RFESD: variants seen among roughly 807,000 people sequenced by gnomAD.
RFESD encodes Rieske Fe-S domain containing.
RFESD carries 16 observed loss-of-function variants against 24.4 expected under a neutral mutation model. That is an observed-to-expected ratio of 0.66 (90% confidence interval 0.44 to 1.00). RFESD has a LOEUF of 1.00. Among genes scored for constraint, RFESD ranks in the 50% least tolerant of loss-of-function variants. RFESD has a pLI of 0.00. For missense variants in RFESD, 208 were observed against 247.0 expected (o/e 0.84, Z 1.06); for synonymous variants, 59 against 81.8 (o/e 0.72, Z 1.50).
chr5:95,647,720 G>A (rs1750162555), intron 1 of RFESD: 1 of 151,356 alleles, frequency 6.6e-6, no homozygotes, highest in Non-Finnish European at 1.5e-5. Context: ...ATACATATTT[G>A]CTTTGCTAAA....
At position 95,652,185 on chromosome 5, in the gene RFESD, C is replaced by T; in HGVS notation, c.-87C>T. On this transcript the variant is annotated 5_prime_UTR_variant, in exon 2 of 6. Transcript: ENST00000380005. ...GGAGAATATAAGACAGAGAAGAAAG[C>T]TGTGAATGAATTTCATTTGATTAGC... 6.8e-7 allele frequency: 1 copy of T among 1,461,032 alleles called. No individual in the cohort carries two copies. The highest frequency in any genetic ancestry group is 9.2e-7 in the Non-Finnish European group (1 of 1,091,082). The allele number at this position is 1,461,032 out of a possible 1,614,324, so 90.5% of individuals were successfully genotyped here. A position where few individuals can be genotyped will look rare whatever the true frequency, so the allele number is the denominator to read the frequency against.
rs1750841430 is a variant in RFESD, at chr5:95,657,642, A to T, written c.*1333A>T. 1 of 151,908 alleles carries T rather than the reference A, an allele frequency of 6.6e-6. No individual in the cohort carries two copies. The highest frequency in any genetic ancestry group is 6.6e-5 in the Admixed American group (1 of 15,228). The allele number at this position is 151,908 out of a possible 1,614,324, so 9.4% of individuals were successfully genotyped here. A position where few individuals can be genotyped will look rare whatever the true frequency, so the allele number is the denominator to read the frequency against. On this transcript the variant is annotated 3_prime_UTR_variant, in exon 6 of 6. Transcript: ENST00000380005. ...AATGAGTAAGGTCCGTATAGTAAAG[A>T]CTCTGCTTACTTACCTTTACTACAT...
At chr5:95,647,819 C>G (rs907936934) in intron 1 of RFESD, 1 of 152,012 alleles carries the variant, frequency 6.6e-6, no homozygotes, top group African/African-American at 2.4e-5. Flanking sequence ...AATGCCTACC[C>G]GTTGGCGGTT....
At chr5:95,651,568 A>G (rs752092205) in intron 1 of RFESD, among the ~76,000 whole-genome samples, 16 of 152,060 alleles carry the variant, frequency 1.1e-4, no homozygotes, top group Non-Finnish European at 2.1e-4. Flanking sequence ...GTAATTTTTT[A>G]AAAACATTTT....
intron 2 of RFESD, chr5:95,652,883 A>G (rs934804098): frequency 2.8e-5 from 14 of 504,294 alleles, no homozygotes; most frequent in Admixed American, 2.0e-4. Context: ...TTGTTTTGCT[A>G]TAATCCATTC....
intron 1 of RFESD, among the ~76,000 whole-genome samples, chr5:95,649,232 T>A (rs938313168): frequency 6.6e-6 from 1 of 152,210 alleles, no homozygotes; most frequent in South Asian, 2.1e-4. Flanking sequence ...TATCCATGAA[T>A]AATATACTGT....
rs902454804 is a variant in RFESD at position 95,653,208 on chromosome 5, A to G, written c.152A>G (p.Tyr51Cys). Reference protein sequence around the residue: ...SSAVISVTSFYLSMNLDGSAQ... With the variant: ...SSAVISVTSFCLSMNLDGSAQ... ...GCTGTCATCTCAGTGACCAGTTTTT[A>G]TCTGAGGTAAGAAAATGAAAGGTTT... Residue 51 changes from tyrosine to cysteine, a missense_variant, in exon 3 of 6, where the codon TAT (tyrosine) becomes TGT (cysteine). Tyr to Cys is a radical substitution (Grantham distance 194). Coordinates refer to ENST00000380005, the MANE Select transcript of RFESD (RefSeq NM_001131066.2). The G allele has an allele frequency of 6.4e-7, 1 of 1,551,600 alleles. No homozygotes were observed. Among genetic ancestry groups the G allele is most frequent in the South Asian group, 1.2e-5 (1 of 84,058 alleles).
chr5:95,654,985 A>G (rs1196898443), intron 5 of RFESD, among the ~76,000 whole-genome samples: 1 of 152,168 alleles, frequency 6.6e-6, no homozygotes, highest in African/African-American at 2.4e-5. Context: ...GAACGGGGGA[A>G]GTTGTCTTTG....
In RFESD at chr5:95,654,336, C is replaced by T; in HGVS notation, c.338C>T (p.Ser113Leu). The T allele has an allele frequency of 6.2e-7, 1 of 1,609,026 alleles. No homozygotes were observed. The highest frequency in any genetic ancestry group is 8.5e-7 in the Non-Finnish European group (1 of 1,176,906). ...YHAMDIRCYH[S>L]GGPLHLGDIE... ...GTAATATTCAATTCCTTTTCAGACTCAGGAGGACCTTTACATTTGGGAGAT... is the reference window on the plus strand; with the variant it reads ...GTAATATTCAATTCCTTTTCAGACTTAGGAGGACCTTTACATTTGGGAGAT... Residue 113 changes from serine (S) to leucine (L), a missense_variant, in exon 5 of 6, where the codon TCA becomes TTA. Physicochemically the swap from Ser to Leu is moderately radical, Grantham distance 145 (BLOSUM62 -2). Transcript: ENST00000380005.
At chr5:95,654,402 G>A (rs1363292451) in intron 5 of RFESD, 35 bp downstream of exon 5, 2 of 1,378,444 alleles carry the variant, frequency 1.5e-6, no homozygotes, top group Non-Finnish European at 2.0e-6. Context: ...AGCAAATTCA[G>A]CAAATAAATA....
At chr5:95,655,909 T>C (rs1750725374) in intron 5 of RFESD, 137 bp from the exon 6 acceptor site, 2 of 722,184 alleles carry the variant, frequency 2.8e-6, no homozygotes. Context: ...TGCTTTATGC[T>C]GAATAATTTG....
intron 1 of RFESD, among the ~76,000 whole-genome samples, chr5:95,648,892 CTTTTTT>C (rs35016122): frequency 1.4e-5 from 1 of 72,426 alleles, no homozygotes; most frequent in Non-Finnish European, 2.7e-5. Flanking sequence ...GATAGTAGTG[CTTTTTT>C]TTTTTTTTTT....
intron 5 of RFESD, chr5:95,655,368 A>G (rs1041104023): frequency 6.6e-6 from 1 of 152,198 alleles, no homozygotes; most frequent in Non-Finnish European, 1.5e-5. Context: ...AATTTTCTCC[A>G]GTTTCAGTCC....
rs1750736304 is a variant in RFESD, at chr5:95,656,040, C to G, written c.370-6C>G. ...AGAATATTAAATGAGTTATTCTCTT[C>G]CCCAGGATTTTGATGGACGACCGTG... is the stretch of plus-strand genomic sequence containing the variant. On this transcript the variant is annotated splice_region_variant and splice_polypyrimidine_tract_variant and intron_variant, in intron 5 of 5. Transcript: ENST00000380005. 6.2e-7 allele frequency: 1 copy of G among 1,611,242 alleles called. No individual in the cohort carries two copies. The highest frequency in any genetic ancestry group is 8.5e-7 in the Non-Finnish European group (1 of 1,178,446).
chr5:95,652,923 A>C (rs948935748), intron 2 of RFESD, 194 bp from the exon 3 acceptor site: 29 of 683,146 alleles, frequency 4.2e-5, no homozygotes, highest in Non-Finnish European at 6.4e-5. Flanking sequence ...TCTTTCAAAA[A>C]GAAATCAATT....
chr5:95,653,247 C>T (rs1750471670), intron 3 of RFESD, 33 bp downstream of exon 3: 3 of 1,550,850 alleles, frequency 1.9e-6, no homozygotes, highest in Non-Finnish European at 2.6e-6. Flanking sequence ...TTCATACCCA[C>T]CTTCTCTTGC....
chr5:95,654,337 A>G lies in RFESD; in HGVS notation c.339A>G (p.Ser113=), dbSNP rs763885147. ...TAATATTCAATTCCTTTTCAGACTCAGGAGGACCTTTACATTTGGGAGATA... is the reference window on the plus strand; with the variant it reads ...TAATATTCAATTCCTTTTCAGACTCGGGAGGACCTTTACATTTGGGAGATA... ...YHAMDIRCYH[S]GGPLHLGDIE... Residue 113 remains serine, a synonymous_variant, in exon 5 of 6, where the codon TCA becomes TCG. Coordinates refer to ENST00000380005, the MANE Select transcript of RFESD (RefSeq NM_001131066.2). The G allele has an allele frequency of 6.2e-7, 1 of 1,609,262 alleles. No homozygotes were observed.
chr5:95,652,157 C>A lies in RFESD; in HGVS notation c.-115C>A. 1 of 1,316,590 alleles carries A rather than the reference C, an allele frequency of 7.6e-7. No homozygotes were observed. 81.6% of individuals were successfully genotyped at this position (1,316,590 alleles called of 1,614,324 possible). A position where few individuals can be genotyped will look rare whatever the true frequency, so the allele number is the denominator to read the frequency against. On this transcript the variant is annotated 5_prime_UTR_variant, in exon 2 of 6. Transcript: ENST00000380005. ...TCCAGGTTACCACCTATTTGCAATT[C>A]AAGGAGAATATAAGACAGAGAAGAA...
chr5:95,647,695 A>G (rs1750161641), intron 1 of RFESD: 1 of 151,864 alleles, frequency 6.6e-6, no homozygotes, highest in Non-Finnish European at 1.5e-5. Context: ...TATCAATACT[A>G]TATATATCAC....
Sources: gnomAD v4.1 joint callset for allele counts (sites outside exome capture counted in the v4.1 genomes callset) on GRCh38, gnomAD v4.1.1 for gene constraint, MANE v1.5 for transcripts, NCBI Gene and HGNC (gene_info 2026-07-23, HGNC 2026-07-21) for gene names.